The following SERAC1 variants were observed in gnomAD, a reference collection of about 807,000 sequenced individuals.
The protein encoded by SERAC1 is protein SERAC1.
Under a neutral mutation model 85.7 loss-of-function variants are expected in SERAC1, and 36 were observed. That is an observed-to-expected ratio of 0.42 (90% CI 0.32 to 0.55). SERAC1 has a LOEUF of 0.55. Ranked by LOEUF, SERAC1 falls within the 20% of genes least tolerant of loss-of-function variation. The pLI, the probability that SERAC1 is intolerant of heterozygous loss-of-function variation, is 0.11. For missense variants in SERAC1, 629 were observed against 796.2 expected, an observed-to-expected ratio of 0.79 and a Z score of 2.53; for synonymous variants, 242 against 265.3, an observed-to-expected ratio of 0.91 and a Z score of 0.85.
At chr6:158,135,263 G>A (rs1392441717) in intron 8 of SERAC1, among the ~76,000 whole-genome samples, 2 of 152,164 alleles carry the variant, frequency 1.3e-5, no homozygotes, top group East Asian at 1.9e-4. Context: ...TGGGTGCAGT[G>A]GCTCATGCTT....
At position 158,143,327 on chromosome 6, in the gene SERAC1, CTCTCTCTCTCTCTCTCTCTCTATATA is replaced by C. The variant is rs1355032514; in HGVS notation, c.610-169_610-144del. ...CATGTCTCTCTCTCTCTCTCTCTCTCTCTCTCTCTCTCTCTCTCTCTATATATATATATATATATATATATATACAC... is the reference window on the plus strand; with the variant it reads ...CATGTCTCTCTCTCTCTCTCTCTCTCTATATATATATATATATATATACAC... On this transcript the variant is annotated intron_variant, in intron 7 of 16. Transcript: ENST00000647468. 1,054 of 205,846 alleles carry C rather than the reference CTCTCTCTCTCTCTCTCTCTCTATATA, an allele frequency of 5.1e-3. 6 individuals carry two copies. In the African/African-American group the frequency reaches 0.053, roughly 10 times the overall value. 12.8% of individuals were successfully genotyped at this position (205,846 alleles called of 1,614,324 possible).
intron 15 of SERAC1, 150 bp downstream of exon 15, chr6:158,114,639 A>T: frequency 8.6e-7 from 1 of 1,165,018 alleles, no homozygotes; most frequent in Non-Finnish European, 1.1e-6. Flanking sequence ...AGAAAAATCA[A>T]GCCCAACCCA....
Position 158,131,995 on chromosome 6 carries a change from TA to T in SERAC1, c.739-1510del, listed in dbSNP as rs201178709. ...ACAGTGTGTATGTATCCTATGCTAC[TA>T]CTCGTGTAGAGAGAGAGAGTGTGTG... On this transcript the variant is annotated intron_variant, in intron 8 of 16. Transcript: ENST00000647468. Among the ~76,000 whole-genome samples, 589 of 147,572 alleles carry T rather than the reference TA, an allele frequency of 4.0e-3. 6 individuals carry two copies. The highest frequency in any genetic ancestry group is 0.014 in the African/African-American group (564 of 40,126).
At chr6:158,138,231 G>A (rs188764686) in intron 8 of SERAC1, among the ~76,000 whole-genome samples, 64 of 152,122 alleles carry the variant, frequency 4.2e-4, no homozygotes, top group African/African-American at 1.3e-3. Context: ...TCAGGAGTTC[G>A]AGACCAGCCT....
chr6:158,111,716 G>A (rs930868300), intron 16 of SERAC1: 11 of 392,172 alleles, frequency 2.8e-5, no homozygotes, highest in Middle Eastern at 6.9e-4. Flanking sequence ...ATAGTTTTAT[G>A]CTTTCCATGA....
rs770659012 is a variant in SERAC1, at chr6:158,128,252, T to C, written c.871A>G (p.Lys291Glu). 9 of 1,613,996 alleles carry C rather than the reference T, an allele frequency of 5.6e-6. No individual in the cohort carries two copies. In the Admixed American group the frequency reaches 1.2e-4, roughly 21 times the overall value. Reference protein sequence around the residue: ...KHSEISTHCDKIEANGGLQLL... With the variant: ...KHSEISTHCDEIEANGGLQLL... Reference sequence around the variant, plus strand: ...TGCAGGCCTCCATTTGCTTCGATTTTATCACAATGTGTGGATATCTGGCAC... The same window carrying C: ...TGCAGGCCTCCATTTGCTTCGATTTCATCACAATGTGTGGATATCTGGCAC... Residue 291 changes from lysine to glutamate, a missense_variant, in exon 10 of 17, where the codon AAA becomes GAA. Coordinates refer to ENST00000647468, the MANE Select transcript of SERAC1 (RefSeq NM_032861.4).
rs1784287343 is a variant in SERAC1, at chr6:158,116,277, G to GACTT, written c.1405_1408dup (p.Ser470Ter). The GACTT allele has an allele frequency of 6.2e-7, 1 of 1,613,658 alleles. No individual in the cohort carries two copies. Among genetic ancestry groups the GACTT allele is most frequent in the African/African-American group, 1.3e-5 (1 of 75,014 alleles). On this transcript the variant is annotated stop_gained and frameshift_variant, in exon 14 of 17. Transcript: ENST00000647468. LOFTEE classifies it high-confidence loss of function. ...AAGTTCGTTGCTTCTGAATGCAATG[G>GACTT]ACTTTCTGAACAAAACAAAAACAGC...
chr6:158,149,063 C>G (rs1785142206), intron 4 of SERAC1, 109 bp from the exon 5 acceptor site: 1 of 718,036 alleles, frequency 1.4e-6, no homozygotes, highest in East Asian at 3.0e-5. Flanking sequence ...AATCTCGGCT[C>G]ACTGCAAGCT....
chr6:158,130,231 T>C (rs71563734), intron 9 of SERAC1, 142 bp downstream of exon 9: 1 of 468,778 alleles, frequency 2.1e-6, no homozygotes, highest in Admixed American at 4.1e-5. Flanking sequence ...CAATTAAAAT[T>C]GGAGGAAAGC....
rs776522342 is a variant in SERAC1, at chr6:158,116,561, C to T, written c.1404-279G>A. 2.8e-4 allele frequency: 93 copies of T among 335,768 alleles called. 1 individual carries two copies. The highest frequency in any genetic ancestry group is 4.8e-4 in the Non-Finnish European group (86 of 178,062). The allele number at this position is 335,768 out of a possible 1,614,324, so 20.8% of individuals were successfully genotyped here. A position where few individuals can be genotyped will look rare whatever the true frequency, so the allele number is the denominator to read the frequency against. On this transcript the variant is annotated intron_variant, in intron 13 of 16. Transcript: ENST00000647468. ...GATCTCTCTGCTCAATTCCTGAAATCGTTAATTCTCTATTTGTAACTTATT... is the reference window on the plus strand; with the variant it reads ...GATCTCTCTGCTCAATTCCTGAAATTGTTAATTCTCTATTTGTAACTTATT...
intron 6 of SERAC1, among the ~76,000 whole-genome samples, chr6:158,144,907 T>C (rs967710491): frequency 6.6e-6 from 1 of 152,128 alleles, no homozygotes; most frequent in Non-Finnish European, 1.5e-5. Context: ...AAAACAAAAT[T>C]CCAACCATGA....
At chr6:158,159,084 T>G (rs573581438) in intron 1 of SERAC1, 2 of 152,296 alleles carry the variant, frequency 1.3e-5, no homozygotes, top group South Asian at 4.1e-4. Flanking sequence ...GGAAGGTACC[T>G]TGAAGGTACC....
rs1583595091 is a variant in SERAC1 at position 158,146,830 on chromosome 6, TG to T, written c.438del (p.Thr147ArgfsTer22). ...ATTTCCCGCACAGCCTCGAGTCGCG[TG>T]GTTTTGTCATCTGACTTGCTCTTCC... is the stretch of plus-strand genomic sequence containing the variant. ...LLRKSKSDDK[T>X]TRLEAVREMS... On this transcript the variant is annotated frameshift_variant, in exon 6 of 17. Coordinates refer to ENST00000647468, the MANE Select transcript of SERAC1 (RefSeq NM_032861.4). LOFTEE classifies it high-confidence loss of function. 1 of 1,611,832 alleles carries T rather than the reference TG, an allele frequency of 6.2e-7. No homozygotes were observed.
chr6:158,109,685 C>A lies in SERAC1; in HGVS notation c.*1681G>T, dbSNP rs1784097670. ...AGAGAATCAAAAACATCTATCCACA[C>A]ATAAATTTGTACACAAATGATCATG... On this transcript the variant is annotated 3_prime_UTR_variant, in exon 17 of 17. Coordinates refer to ENST00000647468, the MANE Select transcript of SERAC1 (RefSeq NM_032861.4). 6.6e-6 allele frequency: 1 copy of A among 152,144 alleles called. No homozygotes were observed. The highest frequency in any genetic ancestry group is 6.5e-5 in the Admixed American group (1 of 15,284). 9.4% of individuals were successfully genotyped at this position (152,144 alleles called of 1,614,324 possible).
At chr6:158,111,543 T>G (rs749119853) in intron 16 of SERAC1, 41 bp from the exon 17 acceptor site, 1 of 1,507,820 alleles carries the variant, frequency 6.6e-7, no homozygotes, top group Non-Finnish European at 8.9e-7. Flanking sequence ...AGTAAAAATA[T>G]AAGCTTTCCC....
Position 158,110,215 on chromosome 6 carries a change from A to AAAG in SERAC1, c.*1148_*1150dup, listed in dbSNP as rs1227547627. ...CACAGTGAGACCCTGTCTCTACAAA[A>AAAG]AAGTATTTATTTATTTTTTAATTAC... is the stretch of plus-strand genomic sequence containing the variant. On this transcript the variant is annotated 3_prime_UTR_variant, in exon 17 of 17. Transcript: ENST00000647468. The AAAG allele has an allele frequency of 2.0e-5, 3 of 151,538 alleles. No homozygotes were observed. Among genetic ancestry groups the AAAG allele is most frequent in the African/African-American group, 7.4e-5 (3 of 40,810 alleles). 9.4% of individuals were successfully genotyped at this position (151,538 alleles called of 1,614,324 possible).
chr6:158,119,094 T>C lies in SERAC1; in HGVS notation c.1243A>G (p.Ser415Gly), dbSNP rs761173767. 6.2e-7 allele frequency: 1 copy of C among 1,614,040 alleles called. No homozygotes were observed. Among genetic ancestry groups the C allele is most frequent in the East Asian group, 2.2e-5 (1 of 44,872 alleles). The change falls in exon 12 of 17, where the codon AGT becomes GGT. Residue 415 changes from serine (S) to glycine (G), a missense_variant. By Grantham distance (56) the Ser-to-Gly change is moderately conservative. Transcript: ENST00000647468. This position sits in a 1 kb window ranked among gnomAD's most constrained non-coding sequence, Gnocchi z 4.5. Reference sequence around the variant, plus strand: ...GGTTTTTCAATTACAGCCTGCTCACTGTCCTGCTGGCGCCATGTTTTGAAT... The same window carrying C: ...GGTTTTTCAATTACAGCCTGCTCACCGTCCTGCTGGCGCCATGTTTTGAAT... Reference protein sequence around the residue: ...AAFKTWRQQDSEQAVIEKPME... With the variant: ...AAFKTWRQQDGEQAVIEKPME...
rs556254218 is a variant in SERAC1 at position 158,147,132 on chromosome 6, G to T, written c.356-219C>A. On this transcript the variant is annotated intron_variant, in intron 5 of 16. Transcript: ENST00000647468. ...TGTGTGCTTTTTTTTGGATGGGGGG[G>T]CAGGGGTCAGTTTTGTTTTGTTTTT... 5.5e-4 allele frequency among the ~76,000 whole-genome samples: 83 copies of T among 151,848 alleles called. No individual in the cohort carries two copies. The South Asian group carries it at 9.4e-3, about 17-fold the overall frequency.
chr6:158,154,792 C>G (rs1562458292), intron 3 of SERAC1, among the ~76,000 whole-genome samples: 1 of 152,084 alleles, frequency 6.6e-6, no homozygotes, highest in Non-Finnish European at 1.5e-5. Flanking sequence ...CCTTTTTCAC[C>G]CACTTTAGAA....
Sources: allele counts gnomAD v4.1 joint callset (sites outside exome capture counted in the v4.1 genomes callset), GRCh38; gene constraint gnomAD v4.1.1; non-coding constraint Gnocchi (gnomAD v3.1); transcripts MANE v1.5; gene names NCBI Gene and HGNC (gene_info 2026-07-23, HGNC 2026-07-21).